Variants in HIC1 observed in about 807,000 individuals in gnomAD.
The protein encoded by HIC1 is hypermethylated in cancer 1 protein.
In HIC1, 9 loss-of-function variants were observed where a neutral mutation model predicts 26.4. The observed-to-expected ratio is 0.34, with a 90% CI of 0.21 to 0.59. HIC1 has a LOEUF of 0.59. HIC1 is among the 20% of genes least tolerant of loss of function. The pLI, the probability that HIC1 is intolerant of heterozygous loss-of-function variation, is 0.82. For missense variants in HIC1, 965 were observed against 1,075.7 expected (o/e 0.90, Z 1.44); for synonymous variants, 631 against 523.1 (o/e 1.21, Z -2.81).
chr17:2,061,481 G>C lies in HIC1; in HGVS notation c.*2646G>C, dbSNP rs1384145254. 12 of 1,554,488 alleles carry C rather than the reference G, an allele frequency of 7.7e-6. No homozygotes were observed. Among genetic ancestry groups the C allele is most frequent in the Non-Finnish European group, 8.7e-6 (10 of 1,151,234 alleles). ...ACGGTTCCACGGGGGGGGGGCCCCA[G>C]TGTGGCTCCCTCAGCCCACCTGGGC... On this transcript the variant is annotated 3_prime_UTR_variant, in exon 2 of 2. Coordinates refer to ENST00000619757, the MANE Select transcript of HIC1 (RefSeq NM_006497.4).
Position 2,061,805 on chromosome 17 carries a change from G to A in HIC1, c.*2970G>A. The A allele has an allele frequency of 1.6e-6, 1 of 631,386 alleles. No individual in the cohort carries two copies. The highest frequency in any genetic ancestry group is 2.7e-6 in the Non-Finnish European group (1 of 367,164). The allele number at this position is 631,386 out of a possible 1,614,324, so 39.1% of individuals were successfully genotyped here. On this transcript the variant is annotated 3_prime_UTR_variant, in exon 2 of 2. Coordinates refer to ENST00000619757, the MANE Select transcript of HIC1 (RefSeq NM_006497.4). ...CCGGGGACCCTCCCCTGCTGGCCTAGAGAGGGCTGCACTGGGCTTCTGCCT... is the reference window on the plus strand; with the variant it reads ...CCGGGGACCCTCCCCTGCTGGCCTAAAGAGGGCTGCACTGGGCTTCTGCCT...
At chr17:2,056,552 G>C in intron 1 of HIC1, 119 bp from the exon 2 acceptor site, 1 of 1,410,140 alleles carries the variant, frequency 7.1e-7, no homozygotes, top group African/African-American at 1.4e-5. Flanking sequence ...TGCCCAGGCC[G>C]CAGGGCTGAT....
Position 2,061,466 on chromosome 17 carries a change from G to GGC in HIC1, c.*2632_*2633insCG, listed in dbSNP as rs770234882. 13 of 1,236,442 alleles carry GGC rather than the reference G, an allele frequency of 1.1e-5. No homozygotes were observed. The highest frequency in any genetic ancestry group is 4.0e-5 in the South Asian group (3 of 74,256). The allele number at this position is 1,236,442 out of a possible 1,614,324, so 76.6% of individuals were successfully genotyped here. A position where few individuals can be genotyped will look rare whatever the true frequency, so the allele number is the denominator to read the frequency against. ...GGTGGCCTTTCAGGAACGGTTCCAC[G>GGC]GGGGGGGGGCCCCAGTGTGGCTCCC... On this transcript the variant is annotated 3_prime_UTR_variant, in exon 2 of 2. Coordinates refer to ENST00000619757, the MANE Select transcript of HIC1 (RefSeq NM_006497.4).
In HIC1 at chr17:2,057,746, G is replaced by A; in HGVS notation, c.1056G>A (p.Pro352=). ...CGGCCGTCTCGCCCGGGGGGCCCCC[G>A]CTCGGCCTGGCGCCGCCGCCGCGCT... The part of the protein sequence containing the change: ...GDAAVSPGGP[P]LGLAPPPRYP... The change falls in exon 2 of 2, where the codon CCG becomes CCA. Residue 352 remains proline (P), a synonymous_variant. Coordinates refer to ENST00000619757, the MANE Select transcript of HIC1 (RefSeq NM_006497.4). The A allele has an allele frequency of 7.2e-7, 1 of 1,385,472 alleles. No individual in the cohort carries two copies. The highest frequency in any genetic ancestry group is 9.3e-7 in the Non-Finnish European group (1 of 1,078,494). 85.8% of individuals were successfully genotyped at this position (1,385,472 alleles called of 1,614,324 possible).
rs1418011847 is a variant in HIC1, at chr17:2,060,526, G to A, written c.*1691G>A. 6.6e-6 allele frequency: 1 copy of A among 152,292 alleles called. No individual in the cohort carries two copies. Among genetic ancestry groups the A allele is most frequent in the Non-Finnish European group, 1.5e-5 (1 of 68,108 alleles). 9.4% of individuals were successfully genotyped at this position (152,292 alleles called of 1,614,324 possible). ...AGTAGAGAGGGAAAGTTCAGAGTGAGAACCCCTATGACGAGGAACCGCGGT... is the reference window on the plus strand; with the variant it reads ...AGTAGAGAGGGAAAGTTCAGAGTGAAAACCCCTATGACGAGGAACCGCGGT... On this transcript the variant is annotated 3_prime_UTR_variant, in exon 2 of 2. Transcript: ENST00000619757.
rs1052335335 is a variant in HIC1 at position 2,055,903 on chromosome 17, C to G, written c.-21+665C>G. 6.6e-6 allele frequency among the ~76,000 whole-genome samples: 1 copy of G among 150,528 alleles called. No individual in the cohort carries two copies. The highest frequency in any genetic ancestry group is 1.5e-5 in the Non-Finnish European group (1 of 67,494). On this transcript the variant is annotated intron_variant, in intron 1 of 1. Coordinates refer to ENST00000619757, the MANE Select transcript of HIC1 (RefSeq NM_006497.4). The surrounding 1 kb of genome is among the most constrained non-coding windows in gnomAD (Gnocchi z 6.4). ...GGGCCCGCGCGTGTAGGGCCCAGGC[C>G]GAGGCCGGGACGCGGGTGGGGCGCA... is the stretch of plus-strand genomic sequence containing the variant.
In HIC1 at chr17:2,056,972, T is replaced by G. The variant is rs764225611; in HGVS notation, c.282T>G (p.Ala94=). ...TGRLADGAEA[A]AAAAVAPGAE... ...GCCTGGCTGACGGCGCAGAGGCGGCTGCGGCCGCGGCCGTGGCCCCGGGGG... is the reference window on the plus strand; with the variant it reads ...GCCTGGCTGACGGCGCAGAGGCGGCGGCGGCCGCGGCCGTGGCCCCGGGGG... The change falls in exon 2 of 2, where the codon GCT becomes GCG. Residue 94 remains alanine, a synonymous_variant. Transcript: ENST00000619757. 5 of 1,582,434 alleles carry G rather than the reference T, an allele frequency of 3.2e-6. No homozygotes were observed. In the East Asian group the frequency reaches 1.2e-4, roughly 38 times the overall value.
In HIC1 at chr17:2,057,641, G is replaced by T; in HGVS notation, c.951G>T (p.Pro317=). The T allele has an allele frequency of 6.6e-7, 1 of 1,515,510 alleles. No homozygotes were observed. 93.9% of individuals were successfully genotyped at this position (1,515,510 alleles called of 1,614,324 possible). A position where few individuals can be genotyped will look rare whatever the true frequency, so the allele number is the denominator to read the frequency against. The part of the protein sequence containing the change: ...SLLYRWMKHE[P]GLGSYGDELG... The stretch of plus-strand genomic sequence containing the variant: ...TCTATCGCTGGATGAAGCACGAGCC[G>T]GGCCTGGGTAGCTATGGCGACGAGC... Residue 317 remains proline (P), a synonymous_variant, in exon 2 of 2, where the codon CCG becomes CCT. Transcript: ENST00000619757.
rs760223111 is a variant in HIC1, at chr17:2,058,083, C to A, written c.1393C>A (p.Pro465Thr). 8.8e-6 allele frequency: 14 copies of A among 1,587,562 alleles called. No individual in the cohort carries two copies. In the African/African-American group the frequency reaches 1.6e-4, roughly 18 times the overall value. The change falls in exon 2 of 2, where the codon CCC becomes ACC. Residue 465 changes from proline to threonine, a missense_variant. This residue lies in a region of HIC1 where 105 missense variants were observed against 101.4 expected (regional missense o/e 1.04). Coordinates refer to ENST00000619757, the MANE Select transcript of HIC1 (RefSeq NM_006497.4). Reference protein sequence around the residue: ...EVAAGAAGLGPPFGGGGDKVA... With the variant: ...EVAAGAAGLGTPFGGGGDKVA... ...GGCCGCTGGGGCCGCCGGCCTAGGG[C>A]CCCCTTTTGGAGGCGGCGGGGACAA...
rs1315272764 is a variant in HIC1, at chr17:2,059,351, G to A, written c.*516G>A. 6.4e-6 allele frequency: 1 copy of A among 156,180 alleles called. No individual in the cohort carries two copies. Among genetic ancestry groups the A allele is most frequent in the African/African-American group, 2.6e-5 (1 of 38,862 alleles). 9.7% of individuals were successfully genotyped at this position (156,180 alleles called of 1,614,324 possible). On this transcript the variant is annotated 3_prime_UTR_variant, in exon 2 of 2. Coordinates refer to ENST00000619757, the MANE Select transcript of HIC1 (RefSeq NM_006497.4). Reference sequence around the variant, plus strand: ...CCCACCCCGGGACTGATAATGTGAAGTTCCTCATTTTGCACAAGTGGCACT... The same window carrying A: ...CCCACCCCGGGACTGATAATGTGAAATTCCTCATTTTGCACAAGTGGCACT...
rs751710224 is a variant in HIC1 at position 2,056,654 on chromosome 17, G to A, written c.-20-17G>A. 2.6e-6 allele frequency: 4 copies of A among 1,526,472 alleles called. No individual in the cohort carries two copies. In the South Asian group the frequency reaches 4.9e-5, roughly 19 times the overall value. The allele number at this position is 1,526,472 out of a possible 1,614,324, so 94.6% of individuals were successfully genotyped here. ...GGCGCCGCACGGCTCTCACCCGGCC[G>A]GTGTGTGTCCCCGCAGGAGAGTGTG... On this transcript the variant is annotated splice_polypyrimidine_tract_variant and intron_variant, in intron 1 of 1. Coordinates refer to ENST00000619757, the MANE Select transcript of HIC1 (RefSeq NM_006497.4).
rs374956051 is a variant in HIC1 at position 2,055,558 on chromosome 17, G to A, written c.-21+320G>A. On this transcript the variant is annotated intron_variant, in intron 1 of 1. Coordinates refer to ENST00000619757, the MANE Select transcript of HIC1 (RefSeq NM_006497.4). This position sits in a 1 kb window ranked among gnomAD's most constrained non-coding sequence, Gnocchi z 6.4. Reference sequence around the variant, plus strand: ...CTGGCACAGCTCGGGGCCTGGCAGCGGCGGGTGGGGCATCGGCTAAGAGCT... The same window carrying A: ...CTGGCACAGCTCGGGGCCTGGCAGCAGCGGGTGGGGCATCGGCTAAGAGCT... 6.6e-6 allele frequency among the ~76,000 whole-genome samples: 1 copy of A among 151,382 alleles called. No individual in the cohort carries two copies. The highest frequency in any genetic ancestry group is 6.6e-5 in the Admixed American group (1 of 15,236).
chr17:2,057,890 C>T lies in HIC1; in HGVS notation c.1200C>T (p.Tyr400=). 1 of 1,603,020 alleles carries T rather than the reference C, an allele frequency of 6.2e-7. No homozygotes were observed. Among genetic ancestry groups the T allele is most frequent in the Non-Finnish European group, 8.5e-7 (1 of 1,175,492 alleles). ...PSPPGGHLEG[Y]PCPHLAYGEP... ...CGCCTGGCGGCCACCTCGAGGGCTACCCATGCCCGCACCTGGCCTATGGCG... is the reference window on the plus strand; with the variant it reads ...CGCCTGGCGGCCACCTCGAGGGCTATCCATGCCCGCACCTGGCCTATGGCG... The change falls in exon 2 of 2, where the codon TAC becomes TAT. Residue 400 remains tyrosine (Y), a synonymous_variant. Coordinates refer to ENST00000619757, the MANE Select transcript of HIC1 (RefSeq NM_006497.4).
Position 2,057,320 on chromosome 17 carries a change from C to T in HIC1, c.630C>T (p.Leu210=). The T allele has an allele frequency of 6.6e-7, 1 of 1,503,872 alleles. No homozygotes were observed. Among genetic ancestry groups the T allele is most frequent in the African/African-American group, 1.4e-5 (1 of 69,484 alleles). The allele number at this position is 1,503,872 out of a possible 1,614,324, so 93.2% of individuals were successfully genotyped here. ...YASGPGPAAA[L]CASERRCSPL... ...CGGGACCCGGCCCGGCCGCCGCACT[C>T]TGTGCCTCGGAGCGCCGCTGCTCCC... Residue 210 remains leucine, a synonymous_variant, in exon 2 of 2, where the codon CTC becomes CTT. Transcript: ENST00000619757.
Position 2,061,131 on chromosome 17 carries a change from A to C in HIC1, c.*2296A>C, listed in dbSNP as rs927694942. On this transcript the variant is annotated 3_prime_UTR_variant, in exon 2 of 2. Transcript: ENST00000619757. ...ACCCCTGCCCTGTCTCCACTGGAGAAAGTGGCTGCGTCCCCAGGCGAGAAG... is the reference window on the plus strand; with the variant it reads ...ACCCCTGCCCTGTCTCCACTGGAGACAGTGGCTGCGTCCCCAGGCGAGAAG... The C allele has an allele frequency of 6.1e-5, 13 of 213,394 alleles. No individual in the cohort carries two copies. Among genetic ancestry groups the C allele is most frequent in the Non-Finnish European group, 1.1e-4 (11 of 103,100 alleles). 13.2% of individuals were successfully genotyped at this position (213,394 alleles called of 1,614,324 possible). A position where few individuals can be genotyped will look rare whatever the true frequency, so the allele number is the denominator to read the frequency against.
rs2067666655 is a variant in HIC1 at position 2,055,822 on chromosome 17, TG to T, written c.-21+588del. Among the ~76,000 whole-genome samples, 12 of 148,916 alleles carry T rather than the reference TG, an allele frequency of 8.1e-5. No homozygotes were observed. In the South Asian group the frequency reaches 2.6e-3, roughly 32 times the overall value. ...CAGTTGGAAAACTTTTCCCCAAGTTTGGGGCGGCGGAGTTCCGGGGGAGAAG... is the reference window on the plus strand; with the variant it reads ...CAGTTGGAAAACTTTTCCCCAAGTTTGGGCGGCGGAGTTCCGGGGGAGAAG... On this transcript the variant is annotated intron_variant, in intron 1 of 1. Transcript: ENST00000619757. This position sits in a 1 kb window ranked among gnomAD's most constrained non-coding sequence, Gnocchi z 6.4.
In HIC1 at chr17:2,060,344, G is replaced by A. The variant is rs2067737236; in HGVS notation, c.*1509G>A. 3 of 152,284 alleles carry A rather than the reference G, an allele frequency of 2.0e-5. No individual in the cohort carries two copies. The allele number at this position is 152,284 out of a possible 1,614,324, so 9.4% of individuals were successfully genotyped here. ...CCCTGTGTCAGTGTCAGTTTTTCCG[G>A]GGAGTGAGGGCAAAGCTAGAAACCA... On this transcript the variant is annotated 3_prime_UTR_variant, in exon 2 of 2. Transcript: ENST00000619757.
intron 1 of HIC1, among the ~76,000 whole-genome samples, chr17:2,056,024 C>G (rs1385070206): frequency 6.8e-6 from 1 of 147,712 alleles, no homozygotes; most frequent in Non-Finnish European, 1.5e-5. Flanking sequence ...CCCTCCCCCC[C>G]ACCTGCTTCC....
At position 2,057,576 on chromosome 17, in the gene HIC1, G is replaced by C; in HGVS notation, c.886G>C (p.Gly296Arg). 6.6e-7 allele frequency: 1 copy of C among 1,505,306 alleles called. No homozygotes were observed. Among genetic ancestry groups the C allele is most frequent in the Non-Finnish European group, 8.8e-7 (1 of 1,132,496 alleles). The allele number at this position is 1,505,306 out of a possible 1,614,324, so 93.2% of individuals were successfully genotyped here. A position where few individuals can be genotyped will look rare whatever the true frequency, so the allele number is the denominator to read the frequency against. Residue 296 changes from glycine (G) to arginine (R), a missense_variant, in exon 2 of 2, where the codon GGA becomes CGA. By Grantham distance (125) the Gly-to-Arg change is moderately radical. This residue lies in a region of HIC1 where 526 missense variants were observed against 525.0 expected (regional missense o/e 1.00). Transcript: ENST00000619757. The part of the protein sequence containing the change: ...DPFRGGSGSP[G>R]PEPPGRPDGP... The stretch of plus-strand genomic sequence containing the variant: ...ATTTCGCGGCGGCAGCGGCAGCCCG[G>C]GACCCGAGCCCCCCGGCCGCCCCGA...
Sources: allele counts gnomAD v4.1 joint callset (sites outside exome capture counted in the v4.1 genomes callset), GRCh38; gene constraint gnomAD v4.1.1; regional missense constraint gnomAD v4.1.1; non-coding constraint Gnocchi (gnomAD v3.1); transcripts MANE v1.5; gene names NCBI Gene and HGNC (gene_info 2026-07-23, HGNC 2026-07-21).